The following TMEM132B variants were observed in gnomAD, a reference collection of about 807,000 sequenced individuals.
TMEM132B encodes transmembrane protein 132B.
In TMEM132B, 18 loss-of-function variants were observed where a neutral mutation model predicts 90.8. That is an observed-to-expected ratio of 0.20 (90% CI 0.14 to 0.29). The LOEUF (loss-of-function observed/expected upper bound fraction) is 0.29, where lower values mean the gene tolerates loss of function less well. TMEM132B is among the 10% of genes least tolerant of loss of function. TMEM132B has a pLI of 1.00. For missense variants in TMEM132B, 1,096 were observed against 1,326.8 expected, an observed-to-expected ratio of 0.83 and a Z score of 2.70; for synonymous variants, 504 against 523.3, an observed-to-expected ratio of 0.96 and a Z score of 0.50.
At chr12:125,515,718 GTTCTCACACACATTCACACACA>G (rs1374381769) in intron 3 of TMEM132B, among the ~76,000 whole-genome samples, 1 of 149,894 alleles carries the variant, frequency 6.7e-6, no homozygotes, top group East Asian at 2.0e-4. Flanking sequence ...ACATTCACAC[GTTCTCACACACATTCACACACA>G]TTCTCACACA....
chr12:125,204,967 C>T (rs1170255949), intron 1 of TMEM132B, among the ~76,000 whole-genome samples: 1 of 124,204 alleles, frequency 8.1e-6, no homozygotes, highest in East Asian at 2.5e-4. Context: ...AATGAGGGCT[C>T]CGTGTACCAG....
At chr12:125,257,628 A>G (rs1227566787) in intron 1 of TMEM132B, among the ~76,000 whole-genome samples, 2 of 152,064 alleles carry the variant, frequency 1.3e-5, no homozygotes, top group Non-Finnish European at 2.9e-5. Context: ...ATGTCACTTT[A>G]TATGCCAAAA....
chr12:125,305,104 G>T (rs1875926071), intron 1 of TMEM132B, among the ~76,000 whole-genome samples: 1 of 152,044 alleles, frequency 6.6e-6, no homozygotes, highest in African/African-American at 2.4e-5. Flanking sequence ...CAGCTACTCT[G>T]AATATGTTGG....
intron 1 of TMEM132B, among the ~76,000 whole-genome samples, chr12:125,254,359 C>T (rs962445435): frequency 3.3e-5 from 5 of 152,160 alleles, no homozygotes; most frequent in African/African-American, 1.2e-4. Context: ...GACCTGGCGG[C>T]ATCCTGATCA....
At chr12:125,548,630 G>A (rs1884146574) in intron 4 of TMEM132B, among the ~76,000 whole-genome samples, 2 of 152,232 alleles carry the variant, frequency 1.3e-5, no homozygotes, top group Admixed American at 1.3e-4. Context: ...GAGTCCAGGG[G>A]ACATGGTAAA....
chr12:125,497,564 T>C (rs1242707314), intron 3 of TMEM132B, among the ~76,000 whole-genome samples: 1 of 152,226 alleles, frequency 6.6e-6, no homozygotes, highest in Non-Finnish European at 1.5e-5. Context: ...ATACTTATTG[T>C]TCCTTTTGAA....
At chr12:125,645,217 C>CAAAA (rs57035989) in intron 6 of TMEM132B, among the ~76,000 whole-genome samples, 5 of 73,558 alleles carry the variant, frequency 6.8e-5, no homozygotes, top group Non-Finnish European at 1.0e-4. Context: ...GACTCCGTCT[C>CAAAA]AAAAAAAAAA....
intron 3 of TMEM132B, among the ~76,000 whole-genome samples, chr12:125,457,509 C>A (rs1236794976): frequency 6.6e-6 from 1 of 152,114 alleles, no homozygotes; most frequent in East Asian, 1.9e-4. Flanking sequence ...TTGGATGGGA[C>A]CCTTGCAGGG....
At chr12:125,592,041 A>C (rs1455465781) in intron 5 of TMEM132B, among the ~76,000 whole-genome samples, 2 of 152,180 alleles carry the variant, frequency 1.3e-5, no homozygotes, top group African/African-American at 2.4e-5. Context: ...TTTAGGGCAG[A>C]GATATCTTCT....
At chr12:125,252,511 CA>C (rs1189649707) in intron 1 of TMEM132B, among the ~76,000 whole-genome samples, 3 of 152,150 alleles carry the variant, frequency 2.0e-5, no homozygotes, top group Non-Finnish European at 4.4e-5. Flanking sequence ...CAGCTATGGC[CA>C]GGGGGTGAGA....
intron 3 of TMEM132B, among the ~76,000 whole-genome samples, chr12:125,517,326 GATTTTTTTTTT>G: frequency 1.1e-5 from 1 of 88,020 alleles, no homozygotes; most frequent in African/African-American, 3.8e-5. Context: ...ATGCCCTGCT[GATTTTTTTTTT>G]TTTTTTTTTT....
At chr12:125,412,548 C>T (rs1879879497) in intron 2 of TMEM132B, among the ~76,000 whole-genome samples, 1 of 152,180 alleles carries the variant, frequency 6.6e-6, no homozygotes, top group Non-Finnish European at 1.5e-5. Context: ...GCTGTGTGAC[C>T]TTCAGCCGGT....
At chr12:125,561,102 G>A (rs1468295039) in intron 4 of TMEM132B, among the ~76,000 whole-genome samples, 1 of 152,124 alleles carries the variant, frequency 6.6e-6, no homozygotes, top group East Asian at 1.9e-4. Context: ...ATTCACAATA[G>A]CAAAGGCTTG....
At chr12:125,526,679 C>G (rs1883471305) in intron 4 of TMEM132B, among the ~76,000 whole-genome samples, 1 of 152,156 alleles carries the variant, frequency 6.6e-6, no homozygotes, top group South Asian at 2.1e-4. Flanking sequence ...GCAAGTCAGC[C>G]TCTACTTCAT....
At chr12:125,438,681 TTCC>T (rs398056056) in intron 3 of TMEM132B, among the ~76,000 whole-genome samples, 1 of 152,206 alleles carries the variant, frequency 6.6e-6, no homozygotes, top group East Asian at 1.9e-4. Flanking sequence ...TCTTCCTTCC[TTCC>T]TTAAGGTTAA....
chr12:125,593,554 G>A (rs1885368415), intron 5 of TMEM132B, among the ~76,000 whole-genome samples: 1 of 152,102 alleles, frequency 6.6e-6, no homozygotes, highest in African/African-American at 2.4e-5. Flanking sequence ...CTAGAGAATT[G>A]GCGTGTGAAA....
intron 5 of TMEM132B, chr12:125,622,570 G>GCTCAGC: frequency 2.0e-6 from 2 of 985,462 alleles, no homozygotes; most frequent in Non-Finnish European, 2.4e-6. Flanking sequence ...TCGGTGACTT[G>GCTCAGC]CTCAGCCTGA....
chr12:125,454,553 C>G (rs1881241546), intron 3 of TMEM132B, among the ~76,000 whole-genome samples: 1 of 152,206 alleles, frequency 6.6e-6, no homozygotes, highest in Non-Finnish European at 1.5e-5. Context: ...TAGGCATTTG[C>G]AAAGACAGAG....
intron 5 of TMEM132B, among the ~76,000 whole-genome samples, chr12:125,588,781 T>G (rs957851905): frequency 6.6e-6 from 1 of 152,198 alleles, no homozygotes; most frequent in Non-Finnish European, 1.5e-5. Flanking sequence ...TTTGGGCGCA[T>G]TTGAAGATAA....
Sources: gnomAD v4.1 joint callset for allele counts (sites outside exome capture counted in the v4.1 genomes callset) on GRCh38, gnomAD v4.1.1 for gene constraint, MANE v1.5 for transcripts, NCBI Gene and HGNC (gene_info 2026-07-23, HGNC 2026-07-21) for gene names.